Variants in SRRM4 observed in about 807,000 individuals in gnomAD.
SRRM4 encodes serine/arginine repetitive matrix protein 4.
SRRM4 carries 33 observed loss-of-function variants against 68.9 expected under a neutral mutation model. That is an observed-to-expected ratio of 0.48 (90% CI 0.36 to 0.64). The LOEUF is 0.64. Among genes scored for constraint, SRRM4 ranks in the 30% least tolerant of loss-of-function variants. The pLI is 0.00. For synonymous variants in SRRM4, 318 were observed against 318.8 expected (o/e 1.00, Z 0.03); for missense variants, 817 against 827.1 (o/e 0.99, Z 0.15).
At chr12:119,120,217 T>G in intron 4 of SRRM4, 33 bp from the exon 5 acceptor site, 1 of 1,494,066 alleles carries the variant, frequency 6.7e-7, no homozygotes, top group South Asian at 1.2e-5. Context: ...TCTTTGATTC[T>G]TCTTTTCATT....
intron 8 of SRRM4, among the ~76,000 whole-genome samples, chr12:119,131,259 C>T (rs1382662930): frequency 6.6e-6 from 1 of 152,190 alleles, no homozygotes; most frequent in African/African-American, 2.4e-5. Flanking sequence ...AGCTGGCTGG[C>T]AGCATTGGTT....
At chr12:119,129,872 A>AATGGATAAATGGATGG (rs1954282988) in intron 7 of SRRM4, among the ~76,000 whole-genome samples, 1 of 136,884 alleles carries the variant, frequency 7.3e-6, no homozygotes, top group African/African-American at 2.8e-5. Context: ...TAGTTGGACA[A>AATGGATAAATGGATGG]ATGGATGGAT....
At chr12:119,059,437 A>C (rs1222079566) in intron 1 of SRRM4, among the ~76,000 whole-genome samples, 3 of 152,160 alleles carry the variant, frequency 2.0e-5, no homozygotes, top group Non-Finnish European at 4.4e-5. Flanking sequence ...GGAAGCTTAC[A>C]GAGGAAGTAC....
intron 1 of SRRM4, among the ~76,000 whole-genome samples, chr12:119,098,445 A>G (rs183820177): frequency 8.4e-4 from 128 of 152,320 alleles, no homozygotes; most frequent in Middle Eastern, 3.4e-3. Context: ...GCACTTTCTA[A>G]CTTTTTGAAA....
At chr12:119,075,035 G>C (rs978112883) in intron 1 of SRRM4, among the ~76,000 whole-genome samples, 1 of 152,192 alleles carries the variant, frequency 6.6e-6, no homozygotes, top group African/African-American at 2.4e-5. Context: ...ACGGGGATTT[G>C]AGTGAGCCCT....
Position 119,099,122 on chromosome 12 carries a change from C to CTTATTATTATTA in SRRM4, c.132-3104_132-3093dup, listed in dbSNP as rs60429184. On this transcript the variant is annotated intron_variant, in intron 1 of 12. Coordinates refer to ENST00000267260, the MANE Select transcript of SRRM4 (RefSeq NM_194286.4). ...CCACTCTAGCCCTTGCTTGCTGTTCCTTATTATTATTATTATTATTACTAT... is the reference window on the plus strand; with the variant it reads ...CCACTCTAGCCCTTGCTTGCTGTTCCTTATTATTATTATTATTATTATTATTATTATTACTAT... Among the ~76,000 whole-genome samples, 51 of 151,360 alleles carry CTTATTATTATTA rather than the reference C, an allele frequency of 3.4e-4. No homozygotes were observed. The Middle Eastern group carries it at 0.014, about 40-fold the overall frequency.
intron 4 of SRRM4, among the ~76,000 whole-genome samples, chr12:119,117,699 G>C (rs1473864508): frequency 6.6e-6 from 1 of 152,132 alleles, no homozygotes; most frequent in Admixed American, 6.5e-5. Flanking sequence ...AGATCACGAG[G>C]TCAGGAGGTC....
chr12:119,089,465 G>C (rs1288462049), intron 1 of SRRM4, among the ~76,000 whole-genome samples: 1 of 152,202 alleles, frequency 6.6e-6, no homozygotes, highest in African/African-American at 2.4e-5. Context: ...CTGGATGCCT[G>C]GGTTGGCATT....
At chr12:119,079,951 A>G (rs1175175189) in intron 1 of SRRM4, among the ~76,000 whole-genome samples, 1 of 151,870 alleles carries the variant, frequency 6.6e-6, no homozygotes, top group Non-Finnish European at 1.5e-5. Flanking sequence ...CTGATTTCCA[A>G]TCTTTTTCTT....
At chr12:118,988,539 A>G (rs559673563) in intron 1 of SRRM4, among the ~76,000 whole-genome samples, 15 of 152,272 alleles carry the variant, frequency 9.9e-5, no homozygotes, top group African/African-American at 3.6e-4. Context: ...ATGAACAACC[A>G]CCAGTGATGG....
intron 2 of SRRM4, among the ~76,000 whole-genome samples, chr12:119,111,516 A>G (rs750623929): frequency 2.6e-5 from 4 of 152,202 alleles, no homozygotes; most frequent in African/African-American, 9.6e-5. Flanking sequence ...GACTGAAACA[A>G]TAGGCTCTTT....
intron 8 of SRRM4, among the ~76,000 whole-genome samples, chr12:119,131,735 A>C (rs1954299246): frequency 6.6e-6 from 1 of 152,170 alleles, no homozygotes. Context: ...AATTGTTGGG[A>C]CTATCCAATA....
At chr12:119,138,841 C>T (rs865856021) in intron 8 of SRRM4, among the ~76,000 whole-genome samples, 1 of 152,184 alleles carries the variant, frequency 6.6e-6, no homozygotes, top group East Asian at 1.9e-4. Flanking sequence ...TGCCATACCC[C>T]GAAAGTAGGC....
intron 1 of SRRM4, among the ~76,000 whole-genome samples, chr12:119,004,704 C>G (rs569185754): frequency 6.6e-6 from 1 of 151,864 alleles, no homozygotes; most frequent in African/African-American, 2.4e-5. Flanking sequence ...AGCTAGGACT[C>G]CTTTTCTCTC....
At chr12:119,120,806 T>A (rs1241308058) in intron 5 of SRRM4, among the ~76,000 whole-genome samples, 1 of 152,174 alleles carries the variant, frequency 6.6e-6, no homozygotes, top group Non-Finnish European at 1.5e-5. Flanking sequence ...ATTTTACAGA[T>A]GAGGAAACTG....
chr12:118,998,481 C>A (rs1953363700), intron 1 of SRRM4, among the ~76,000 whole-genome samples: 1 of 152,088 alleles, frequency 6.6e-6, no homozygotes, highest in Non-Finnish European at 1.5e-5. Context: ...ATCTTTCCCC[C>A]ACCTGGAAGG....
chr12:119,099,079 C>G (rs1408270861), intron 1 of SRRM4, among the ~76,000 whole-genome samples: 1 of 152,152 alleles, frequency 6.6e-6, no homozygotes, highest in Non-Finnish European at 1.5e-5. Context: ...ATGACCTGAT[C>G]TCTGATCTCA....
At chr12:119,000,476 G>A (rs1300146967) in intron 1 of SRRM4, among the ~76,000 whole-genome samples, 1 of 152,162 alleles carries the variant, frequency 6.6e-6, no homozygotes, top group Non-Finnish European at 1.5e-5. Context: ...TGACCCCAGT[G>A]AACCCTGTGT....
At chr12:119,143,569 C>T (rs1404618181) in intron 8 of SRRM4, among the ~76,000 whole-genome samples, 1 of 152,098 alleles carries the variant, frequency 6.6e-6, no homozygotes, top group Non-Finnish European at 1.5e-5. Flanking sequence ...AGAATCTGGC[C>T]CTGGAACCAT....
Sources: gnomAD v4.1 joint callset for allele counts (sites outside exome capture counted in the v4.1 genomes callset) on GRCh38, gnomAD v4.1.1 for gene constraint, MANE v1.5 for transcripts, NCBI Gene and HGNC (gene_info 2026-07-23, HGNC 2026-07-21) for gene names.